The following ADGRL2 variants were observed in gnomAD, a reference collection of about 807,000 sequenced individuals.
The protein encoded by ADGRL2 is adhesion G protein-coupled receptor L2.
In ADGRL2, 44 loss-of-function variants were observed where a neutral mutation model predicts 157.4. That is an observed-to-expected ratio of 0.28 (90% CI 0.22 to 0.36). The LOEUF is 0.36. ADGRL2 is among the 10% of genes least tolerant of loss of function. The probability of loss-of-function intolerance (pLI) is 1.00; values close to 1 mark genes in which losing one functional copy is unlikely to be tolerated. For synonymous variants in ADGRL2, 585 were observed against 624.7 expected (o/e 0.94, Z 0.95); for missense variants, 1,510 against 1,768.9 (o/e 0.85, Z 2.63).
At chr1:81,821,854 T>A (rs1437091822) in intron 1 of ADGRL2, among the ~76,000 whole-genome samples, 2 of 152,134 alleles carry the variant, frequency 1.3e-5, no homozygotes, top group African/African-American at 4.8e-5. Context: ...TGCTGAGATT[T>A]ATTGTCAATG....
chr1:81,817,129 GTC>G (rs1335435893), intron 1 of ADGRL2, among the ~76,000 whole-genome samples: 1 of 151,776 alleles, frequency 6.6e-6, no homozygotes, highest in Non-Finnish European at 1.5e-5. Context: ...AGTCTCCAGT[GTC>G]TGTTTTTCTA....
chr1:81,686,665 T>C (rs2083234443), intron 3 of ADGRL2, among the ~76,000 whole-genome samples: 1 of 152,186 alleles, frequency 6.6e-6, no homozygotes, highest in East Asian at 1.9e-4. Context: ...TTATTTCCTT[T>C]CTTATGCTGG....
At chr1:81,452,362 A>G (rs1310448602) in intron 2 of ADGRL2, among the ~76,000 whole-genome samples, 1 of 152,178 alleles carries the variant, frequency 6.6e-6, no homozygotes, top group Non-Finnish European at 1.5e-5. Context: ...CACAAAAGCA[A>G]TTAAAATGTG....
chr1:81,924,768 A>G (rs974169662), intron 3 of ADGRL2, among the ~76,000 whole-genome samples: 2 of 152,002 alleles, frequency 1.3e-5, no homozygotes, highest in African/African-American at 2.4e-5. Flanking sequence ...ATAATTCCAG[A>G]CCTGTCTCAA....
intron 1 of ADGRL2, among the ~76,000 whole-genome samples, chr1:81,382,282 A>C (rs556265236): frequency 6.6e-6 from 1 of 152,276 alleles, no homozygotes; most frequent in African/African-American, 2.4e-5. Flanking sequence ...TGCCTGATTA[A>C]AATTTAAAAA....
chr1:81,354,190 C>A (rs1442063016), intron 1 of ADGRL2, among the ~76,000 whole-genome samples: 1 of 152,140 alleles, frequency 6.6e-6, no homozygotes, highest in Non-Finnish European at 1.5e-5. Flanking sequence ...TTTATTTAAT[C>A]CTCACAAATA....
chr1:81,630,882 C>G (rs17106848), intron 3 of ADGRL2, among the ~76,000 whole-genome samples: 4,213 of 152,200 alleles, frequency 0.028, 187 homozygotes, highest in African/African-American at 0.096. Context: ...GCCAACCAAG[C>G]AAAACAATTT....
intron 3 of ADGRL2, among the ~76,000 whole-genome samples, chr1:81,595,664 G>A (rs1379515100): frequency 6.6e-6 from 1 of 152,248 alleles, no homozygotes; most frequent in Non-Finnish European, 1.5e-5. Flanking sequence ...TCTTCATTCC[G>A]TTAATAAAAC....
At chr1:81,708,741 A>G (rs2083825517) in intron 1 of ADGRL2, among the ~76,000 whole-genome samples, 1 of 152,042 alleles carries the variant, frequency 6.6e-6, no homozygotes, top group South Asian at 2.1e-4. Context: ...GACTCCTTCT[A>G]TAGAAATCTC....
intron 1 of ADGRL2, among the ~76,000 whole-genome samples, chr1:81,805,339 T>G (rs700029): frequency 0.11 from 16,112 of 152,048 alleles, 998 homozygotes; most frequent in Admixed American, 0.18. Flanking sequence ...GACTTAAGAA[T>G]TTACAAAACT....
At chr1:81,618,063 GT>G (rs77158555) in intron 3 of ADGRL2, among the ~76,000 whole-genome samples, 27 of 149,426 alleles carry the variant, frequency 1.8e-4, no homozygotes, top group East Asian at 1.4e-3. Context: ...GTTATGTTGG[GT>G]TTTTTTTTTC....
rs555305695 is a variant in ADGRL2, at chr1:81,858,703, G to A, written c.73+21646G>A. Among the ~76,000 whole-genome samples, 9 of 151,912 alleles carry A rather than the reference G, an allele frequency of 5.9e-5. No homozygotes were observed. In the South Asian group the frequency reaches 1.9e-3, roughly 32 times the overall value. On this transcript the variant is annotated intron_variant, in intron 2 of 23. Coordinates refer to ENST00000686636, the MANE Select transcript of ADGRL2 (RefSeq NM_001366006.2). ...TTCCGTCAGGGACTGTGAAAATTTAGCACACTCTAAAAAATGATAGCAAGT... is the reference window on the plus strand; with the variant it reads ...TTCCGTCAGGGACTGTGAAAATTTAACACACTCTAAAAAATGATAGCAAGT...
intron 3 of ADGRL2, among the ~76,000 whole-genome samples, chr1:81,598,598 C>G (rs2081281396): frequency 6.6e-6 from 1 of 152,132 alleles, no homozygotes; most frequent in Non-Finnish European, 1.5e-5. Flanking sequence ...GCTAAGGACA[C>G]TGGAACAAAT....
rs542181274 is a variant in ADGRL2, at chr1:81,608,494, G to A, written c.-143+27514G>A. On this transcript the variant is annotated intron_variant, in intron 3 of 24. Coordinates refer to the ADGRL2 transcript ENST00000370721. ...AAGAGCACTATACTCAAATAAGTTT[G>A]GGAAATATTGGATGAAACAAAATTA... Among the ~76,000 whole-genome samples, 2 of 152,266 alleles carry A rather than the reference G, an allele frequency of 1.3e-5. 1 individual carries two copies. The highest frequency in any genetic ancestry group is 4.1e-4 in the South Asian group (2 of 4,824).
intron 1 of ADGRL2, among the ~76,000 whole-genome samples, chr1:81,339,579 GT>G (rs1661913163): frequency 6.8e-6 from 1 of 148,066 alleles, no homozygotes. Context: ...CCTTGGGGTT[GT>G]TTTGTTTGTT....
intron 3 of ADGRL2, among the ~76,000 whole-genome samples, chr1:81,616,679 C>CTTTTTTT (rs1164087131): frequency 0.13 from 13,615 of 105,278 alleles, 1,206 homozygotes; most frequent in Non-Finnish European, 0.19. Context: ...CTTTTCTTTT[C>CTTTTTTT]TTTTTTTTTT....
At chr1:81,502,291 A>G in intron 2 of ADGRL2, 1 of 1,613,976 alleles carries the variant, frequency 6.2e-7, no homozygotes, top group Non-Finnish European at 8.5e-7. Context: ...CTGTCTCCAC[A>G]GCAGGACAGC....
intron 3 of ADGRL2, among the ~76,000 whole-genome samples, chr1:81,674,745 A>G (rs1377924814): frequency 6.6e-6 from 1 of 152,042 alleles, no homozygotes; most frequent in Non-Finnish European, 1.5e-5. Context: ...TACAATACAA[A>G]CCCAAGGGTA....
chr1:81,413,911 A>G (rs2076991431), intron 1 of ADGRL2, among the ~76,000 whole-genome samples: 1 of 152,206 alleles, frequency 6.6e-6, no homozygotes, highest in Admixed American at 6.5e-5. Context: ...AACATCAAAG[A>G]GGAAGGGGAA....
Sources: gnomAD v4.1 joint callset for allele counts (sites outside exome capture counted in the v4.1 genomes callset) on GRCh38, gnomAD v4.1.1 for gene constraint, MANE v1.5 for transcripts, NCBI Gene and HGNC (gene_info 2026-07-23, HGNC 2026-07-21) for gene names.